The following NAALADL2 variants were observed in gnomAD, a reference collection of about 807,000 sequenced individuals.
NAALADL2 encodes inactive N-acetylated-alpha-linked acidic dipeptidase-like protein 2.
In NAALADL2, 76 loss-of-function variants were observed where a neutral mutation model predicts 87.2. The observed-to-expected ratio is 0.87, with a 90% CI of 0.72 to 1.05. The LOEUF (loss-of-function observed/expected upper bound fraction) is 1.05, where lower values mean the gene tolerates loss of function less well. Ranked by LOEUF, NAALADL2 falls within the 50% of genes least tolerant of loss-of-function variation. The probability of loss-of-function intolerance (pLI) is 0.00; values close to 1 mark genes in which losing one functional copy is unlikely to be tolerated. For missense variants in NAALADL2, 1,089 were observed against 945.8 expected (o/e 1.15, Z -1.99); for synonymous variants, 354 against 331.0 (o/e 1.07, Z -0.75).
At chr3:175,282,222 T>A (rs1249424367) in intron 4 of NAALADL2, among the ~76,000 whole-genome samples, 1 of 152,100 alleles carries the variant, frequency 6.6e-6, no homozygotes, top group Non-Finnish European at 1.5e-5. Flanking sequence ...ACCTGACTTA[T>A]GTATCTACAA....
At chr3:175,568,507 A>G (rs1174462444) in intron 9 of NAALADL2, among the ~76,000 whole-genome samples, 1 of 152,200 alleles carries the variant, frequency 6.6e-6, no homozygotes, top group Non-Finnish European at 1.5e-5. Flanking sequence ...TGAGCTGGAT[A>G]TATCAATATA....
At chr3:175,744,527 A>G (rs1248646554) in intron 12 of NAALADL2, among the ~76,000 whole-genome samples, 1 of 152,250 alleles carries the variant, frequency 6.6e-6, no homozygotes, top group East Asian at 1.9e-4. Flanking sequence ...ACCAAACAAC[A>G]TAAGCAAAAA....
intron 5 of NAALADL2, among the ~76,000 whole-genome samples, chr3:175,401,323 G>A (rs185128690): frequency 6.4e-4 from 98 of 152,056 alleles, no homozygotes; most frequent in Non-Finnish European, 1.1e-3. Flanking sequence ...ACATTTACTA[G>A]TACATGGGTG....
intron 1 of NAALADL2, among the ~76,000 whole-genome samples, chr3:175,015,112 A>G (rs1021951494): frequency 1.3e-5 from 2 of 152,100 alleles, no homozygotes; most frequent in Non-Finnish European, 2.9e-5. Context: ...TAAAGGTCAT[A>G]ACTTGGCAAA....
chr3:174,871,611 T>C (rs898433996), intron 1 of NAALADL2, among the ~76,000 whole-genome samples: 5 of 152,276 alleles, frequency 3.3e-5, no homozygotes, highest in Admixed American at 2.0e-4. Flanking sequence ...AGAAATATAC[T>C]AACTTGGCCG....
At chr3:175,162,970 T>G (rs62283041) in intron 2 of NAALADL2, among the ~76,000 whole-genome samples, 2,723 of 152,234 alleles carry the variant, frequency 0.018, 69 homozygotes, top group Admixed American at 0.07. Context: ...TAGGTGAAGT[T>G]ACATAGCCTG....
intron 5 of NAALADL2, among the ~76,000 whole-genome samples, chr3:175,434,345 C>G (rs893520542): frequency 6.6e-6 from 1 of 151,962 alleles, no homozygotes; most frequent in African/African-American, 2.4e-5. Context: ...GAAGCAAAGG[C>G]CAGATACTGG....
chr3:175,237,873 A>G (rs1033107290), intron 3 of NAALADL2, among the ~76,000 whole-genome samples: 14 of 152,262 alleles, frequency 9.2e-5, no homozygotes, highest in African/African-American at 3.4e-4. Context: ...GTATGTCTCC[A>G]TCTTTCACAG....
At chr3:175,625,182 A>T (rs1726805919) in intron 10 of NAALADL2, among the ~76,000 whole-genome samples, 1 of 152,004 alleles carries the variant, frequency 6.6e-6, no homozygotes, top group Non-Finnish European at 1.5e-5. Context: ...ACAATGTGCT[A>T]ATATTGTTCC....
chr3:174,801,191 C>T (rs1025382703), intron 3 of NAALADL2, among the ~76,000 whole-genome samples: 3 of 152,178 alleles, frequency 2.0e-5, no homozygotes, highest in African/African-American at 7.2e-5. Context: ...TATGGTTTGA[C>T]TGTGTCCCCA....
chr3:175,557,077 A>G (rs1156319347), intron 9 of NAALADL2, among the ~76,000 whole-genome samples: 4 of 152,242 alleles, frequency 2.6e-5, no homozygotes, highest in African/African-American at 9.6e-5. Context: ...GTATGAATAC[A>G]TCTGTACAGA....
intron 2 of NAALADL2, among the ~76,000 whole-genome samples, chr3:174,730,223 G>A (rs969600830): frequency 1.8e-4 from 28 of 151,888 alleles, no homozygotes; most frequent in African/African-American, 5.3e-4. Flanking sequence ...TACATGGGTC[G>A]GTTGTAACCC....
intron 13 of NAALADL2, among the ~76,000 whole-genome samples, chr3:175,759,394 G>C (rs926343600): frequency 6.9e-6 from 1 of 144,744 alleles, no homozygotes; most frequent in Non-Finnish European, 1.5e-5. Context: ...GTCTCGCTCT[G>C]TCGCCCAGGG....
At chr3:174,991,327 A>C (rs1327196163) in intron 1 of NAALADL2, among the ~76,000 whole-genome samples, 1 of 152,076 alleles carries the variant, frequency 6.6e-6, no homozygotes, top group Non-Finnish European at 1.5e-5. Context: ...TTGTCTTTTA[A>C]TATTCTTTAG....
chr3:174,640,227 T>C (rs1723033426), intron 2 of NAALADL2, among the ~76,000 whole-genome samples: 1 of 152,218 alleles, frequency 6.6e-6, no homozygotes, highest in African/African-American at 2.4e-5. Flanking sequence ...TGCCCTTAAC[T>C]GCTTCTCATG....
chr3:174,618,080 T>C (rs552137680), intron 2 of NAALADL2, among the ~76,000 whole-genome samples: 3 of 151,698 alleles, frequency 2.0e-5, no homozygotes, highest in African/African-American at 7.2e-5. Context: ...TCTAAAGAGG[T>C]TTTAAATTTT....
chr3:175,140,562 G>T (rs535310131), intron 2 of NAALADL2, among the ~76,000 whole-genome samples: 9 of 152,132 alleles, frequency 5.9e-5, no homozygotes, highest in Non-Finnish European at 1.2e-4. Flanking sequence ...AGCAAAGAAG[G>T]CAGGTAAAGA....
chr3:175,129,367 A>G (rs1727449071), intron 2 of NAALADL2, among the ~76,000 whole-genome samples: 2 of 152,162 alleles, frequency 1.3e-5, no homozygotes, highest in Admixed American at 6.5e-5. Flanking sequence ...GTTATTAACT[A>G]TAGTCACTGT....
chr3:175,258,799 G>T (rs1750523042), intron 4 of NAALADL2, among the ~76,000 whole-genome samples: 1 of 152,054 alleles, frequency 6.6e-6, no homozygotes, highest in Non-Finnish European at 1.5e-5. Context: ...GAAGCCTAAA[G>T]GTAAGAGATG....
Sources: gnomAD v4.1 joint callset for allele counts (sites outside exome capture counted in the v4.1 genomes callset) on GRCh38, gnomAD v4.1.1 for gene constraint, MANE v1.5 for transcripts, NCBI Gene and HGNC (gene_info 2026-07-23, HGNC 2026-07-21) for gene names.